CDKAL1: variants seen among roughly 807,000 people sequenced by gnomAD.
CDKAL1 encodes threonylcarbamoyladenosine tRNA methylthiotransferase.
A neutral mutation model predicts 68.2 loss-of-function variants in CDKAL1; 32 were observed. The observed-to-expected ratio is 0.47, with a 90% CI of 0.35 to 0.63. The LOEUF is 0.63. Among genes scored for constraint, CDKAL1 ranks in the 30% least tolerant of loss-of-function variants. CDKAL1 has a pLI of 0.00. For missense variants in CDKAL1, 606 were observed against 696.7 expected, an observed-to-expected ratio of 0.87 and a Z score of 1.47; for synonymous variants, 234 against 244.3, an observed-to-expected ratio of 0.96 and a Z score of 0.39.
intron 6 of CDKAL1, chr6:20,756,121 G>T (rs1774159333): frequency 6.6e-6 from 1 of 151,986 alleles, no homozygotes; most frequent in African/African-American, 2.4e-5. Context: ...GATTTTGCTC[G>T]GTCTACTTCC....
chr6:20,537,835 A>G (rs1763234482), intron 2 of CDKAL1, among the ~76,000 whole-genome samples: 1 of 152,078 alleles, frequency 6.6e-6, no homozygotes, highest in African/African-American at 2.4e-5. Context: ...TTATTCTCAA[A>G]CTTTCATTTC....
At chr6:20,641,494 G>C (rs1298936439) in intron 4 of CDKAL1, among the ~76,000 whole-genome samples, 2 of 151,946 alleles carry the variant, frequency 1.3e-5, no homozygotes, top group Non-Finnish European at 2.9e-5. Context: ...CCTTTATCTT[G>C]CCTTCAAGGG....
chr6:20,729,289 A>T (rs1033072782), intron 5 of CDKAL1, among the ~76,000 whole-genome samples: 1 of 152,184 alleles, frequency 6.6e-6, no homozygotes, highest in African/African-American at 2.4e-5. Context: ...GTCAGGATGC[A>T]GCCTTCCCAC....
chr6:20,869,406 A>G (rs1249195523), intron 9 of CDKAL1, among the ~76,000 whole-genome samples: 1 of 152,246 alleles, frequency 6.6e-6, no homozygotes, highest in South Asian at 2.1e-4. Context: ...AAGAGTAAAT[A>G]GTAAACCACA....
At chr6:20,577,740 A>G (rs1454692574) in intron 4 of CDKAL1, among the ~76,000 whole-genome samples, 4 of 152,236 alleles carry the variant, frequency 2.6e-5, no homozygotes, top group African/African-American at 9.7e-5. Context: ...TGAATTAAAC[A>G]TAAAATCCTG....
At chr6:20,849,508 G>T (rs1247554432) in intron 9 of CDKAL1, among the ~76,000 whole-genome samples, 1 of 150,366 alleles carries the variant, frequency 6.7e-6, no homozygotes, top group Non-Finnish European at 1.5e-5. Context: ...GCGTGAACCC[G>T]GGAGGCGGAG....
chr6:20,886,534 G>A (rs1761075282), intron 9 of CDKAL1, among the ~76,000 whole-genome samples: 1 of 152,174 alleles, frequency 6.6e-6, no homozygotes, highest in Admixed American at 6.5e-5. Context: ...TTGGATGTAT[G>A]CAAAATTTAA....
chr6:20,603,209 T>C (rs1766181317), intron 4 of CDKAL1, among the ~76,000 whole-genome samples: 1 of 152,210 alleles, frequency 6.6e-6, no homozygotes, highest in African/African-American at 2.4e-5. Context: ...ATGATTCTTC[T>C]TTTGAGAAAC....
rs1456525909 is a variant in CDKAL1 at position 21,131,450 on chromosome 6, G to A, written c.1299+22987G>A. 3.9e-5 allele frequency among the ~76,000 whole-genome samples: 6 copies of A among 152,172 alleles called. 1 individual carries two copies. The highest frequency in any genetic ancestry group is 1.2e-4 in the African/African-American group (5 of 41,440). The stretch of plus-strand genomic sequence containing the variant: ...AGTTTTCTTGTTAGGCCATTTTGGC[G>A]ATCATTCCCCACATATTGTGATGAC... On this transcript the variant is annotated intron_variant, in intron 13 of 15. Transcript: ENST00000274695.
intron 9 of CDKAL1, among the ~76,000 whole-genome samples, chr6:20,938,356 A>G (rs76196317): frequency 0.15 from 22,148 of 152,104 alleles, 1,883 homozygotes; most frequent in African/African-American, 0.25. Context: ...AGCAATTCTT[A>G]TACTTTATGT....
chr6:20,894,391 C>CTTTTTTT (rs5874793), intron 9 of CDKAL1, among the ~76,000 whole-genome samples: 3 of 124,068 alleles, frequency 2.4e-5, no homozygotes, highest in South Asian at 2.7e-4. Context: ...ACCCCACATA[C>CTTTTTTT]TTTTTTTTTT....
intron 15 of CDKAL1, among the ~76,000 whole-genome samples, chr6:21,229,228 G>A (rs901335134): frequency 6.6e-6 from 1 of 152,200 alleles, no homozygotes; most frequent in Non-Finnish European, 1.5e-5. Flanking sequence ...AAACTGGGCT[G>A]TAGAAGTTGT....
chr6:20,891,844 T>C (rs1326308878), intron 9 of CDKAL1, among the ~76,000 whole-genome samples: 3 of 152,322 alleles, frequency 2.0e-5, no homozygotes, highest in Admixed American at 2.0e-4. Flanking sequence ...ATCCTGCTTA[T>C]TTCTTACATG....
intron 13 of CDKAL1, among the ~76,000 whole-genome samples, chr6:21,145,798 G>A (rs913828028): frequency 6.6e-6 from 1 of 152,168 alleles, no homozygotes; most frequent in Non-Finnish European, 1.5e-5. Context: ...TACTCAGGAG[G>A]CAGACATGGC....
At chr6:20,616,115 G>T (rs1766885243) in intron 4 of CDKAL1, among the ~76,000 whole-genome samples, 1 of 149,232 alleles carries the variant, frequency 6.7e-6, no homozygotes, top group South Asian at 2.1e-4. Context: ...ATTTCTGAGG[G>T]CTCTGTTCTG....
chr6:21,200,162 A>G (rs529569904), intron 14 of CDKAL1, among the ~76,000 whole-genome samples: 7 of 152,348 alleles, frequency 4.6e-5, no homozygotes, highest in Admixed American at 4.6e-4. Context: ...ATAGAAGTGT[A>G]AGGGAGACAT....
At chr6:20,625,791 G>T (rs1489551374) in intron 4 of CDKAL1, among the ~76,000 whole-genome samples, 2 of 152,030 alleles carry the variant, frequency 1.3e-5, no homozygotes, top group Non-Finnish European at 2.9e-5. Context: ...TATCATCTTA[G>T]AAGAAAATGT....
intron 11 of CDKAL1, among the ~76,000 whole-genome samples, chr6:21,050,129 A>G (rs1770462501): frequency 6.6e-6 from 1 of 152,216 alleles, no homozygotes; most frequent in Non-Finnish European, 1.5e-5. Flanking sequence ...TTCAAAGAGA[A>G]GGAATCATTA....
chr6:20,831,509 G>T (rs1356407303), intron 8 of CDKAL1, among the ~76,000 whole-genome samples: 1 of 152,134 alleles, frequency 6.6e-6, no homozygotes, highest in African/African-American at 2.4e-5. Context: ...TTGCTGAGCA[G>T]ACTTCTCAGA....
Sources: gnomAD v4.1 joint callset for allele counts (sites outside exome capture counted in the v4.1 genomes callset) on GRCh38, gnomAD v4.1.1 for gene constraint, MANE v1.5 for transcripts, NCBI Gene and HGNC (gene_info 2026-07-23, HGNC 2026-07-21) for gene names.